DNAJC3: variants seen among roughly 807,000 people sequenced by gnomAD.
The protein encoded by DNAJC3 is dnaJ homolog subfamily C member 3.
In DNAJC3, 38 loss-of-function variants were observed where a neutral mutation model predicts 68.6. That is an observed-to-expected ratio of 0.55 (90% CI 0.43 to 0.73). DNAJC3 has a LOEUF of 0.73. Ranked by LOEUF, DNAJC3 falls within the 30% of genes least tolerant of loss-of-function variation. DNAJC3 has a pLI of 0.00. For missense variants in DNAJC3, 526 were observed against 591.9 expected (o/e 0.89, Z 1.16); for synonymous variants, 203 against 204.0 (o/e 1.00, Z 0.04).
At chr13:95,755,196 C>T (rs937190300) in intron 4 of DNAJC3, among the ~76,000 whole-genome samples, 4 of 151,976 alleles carry the variant, frequency 2.6e-5, no homozygotes, top group South Asian at 2.1e-4. Flanking sequence ...TGTGTAATCC[C>T]GTGCTTTGGA....
chr13:95,772,152 A>G (rs1555328723), intron 9 of DNAJC3, among the ~76,000 whole-genome samples: 2 of 152,202 alleles, frequency 1.3e-5, no homozygotes, highest in Non-Finnish European at 2.9e-5. Flanking sequence ...TTTATTTTGA[A>G]AAACAGGTGG....
chr13:95,742,534 TG>T, intron 4 of DNAJC3: 1 of 428,238 alleles, frequency 2.3e-6, no homozygotes, highest in South Asian at 1.8e-5. Context: ...TGTGGACTGC[TG>T]GGGGTCACTT....
At position 95,794,401 on chromosome 13, in the gene DNAJC3, T is replaced by C. The variant is rs1382038547; in HGVS notation, c.*3371T>C. ...CCTGGTGATGGGCGTTGCAAAGTTT[T>C]CACTGAGCACACAGCAATGGTATCA... is the stretch of plus-strand genomic sequence containing the variant. On this transcript the variant is annotated 3_prime_UTR_variant, in exon 12 of 12. Transcript: ENST00000602402. 4 of 152,234 alleles carry C rather than the reference T, an allele frequency of 2.6e-5. No individual in the cohort carries two copies. The highest frequency in any genetic ancestry group is 5.9e-5 in the Non-Finnish European group (4 of 68,038). 9.4% of individuals were successfully genotyped at this position (152,234 alleles called of 1,614,324 possible).
intron 1 of DNAJC3, 70 bp from the exon 2 acceptor site, chr13:95,709,157 A>G: frequency 9.0e-7 from 1 of 1,114,386 alleles, no homozygotes; most frequent in Non-Finnish European, 1.2e-6. Context: ...ACTATTTTTA[A>G]TATTATATTT....
At chr13:95,709,087 T>C (rs2139625240) in intron 1 of DNAJC3, 140 bp from the exon 2 acceptor site, 2 of 523,838 alleles carry the variant, frequency 3.8e-6, no homozygotes, top group Non-Finnish European at 6.1e-6. Flanking sequence ...TGTTACGTTC[T>C]TTACATCATT....
intron 4 of DNAJC3, chr13:95,745,427 T>C (rs1442910489): frequency 1.3e-5 from 2 of 152,210 alleles, no homozygotes; most frequent in African/African-American, 4.8e-5. Flanking sequence ...TCTGCACATA[T>C]GCCTGTAATA....
chr13:95,688,347 T>TG (rs60576153), intron 1 of DNAJC3, among the ~76,000 whole-genome samples: 47,173 of 151,960 alleles, frequency 0.31, 10,807 homozygotes, highest in African/African-American at 0.65. Flanking sequence ...ATCCTTGTCT[T>TG]TTCTAGTTTT....
chr13:95,764,726 A>G (rs1882939907), intron 9 of DNAJC3, among the ~76,000 whole-genome samples: 1 of 137,890 alleles, frequency 7.3e-6, no homozygotes, highest in African/African-American at 2.8e-5. Flanking sequence ...ATACACATAT[A>G]TATATATACA....
intron 9 of DNAJC3, among the ~76,000 whole-genome samples, chr13:95,777,090 A>G (rs1030286571): frequency 6.6e-6 from 1 of 152,192 alleles, no homozygotes; most frequent in Non-Finnish European, 1.5e-5. Flanking sequence ...GGGAGGTCCT[A>G]AGAGAATTTT....
intron 2 of DNAJC3, among the ~76,000 whole-genome samples, chr13:95,721,491 G>A (rs1199446951): frequency 3.3e-5 from 5 of 152,048 alleles, no homozygotes; most frequent in African/African-American, 4.8e-5. Context: ...ATCATCTTAC[G>A]GTTTTCCACA....
At chr13:95,725,655 T>C (rs185877432) in intron 4 of DNAJC3, among the ~76,000 whole-genome samples, 1 of 151,078 alleles carries the variant, frequency 6.6e-6, no homozygotes, top group African/African-American at 2.5e-5. Context: ...ATGAAACAGA[T>C]TCTTTTTTTT....
intron 1 of DNAJC3, chr13:95,694,361 C>T (rs1448173712): frequency 6.6e-6 from 1 of 152,570 alleles, no homozygotes; most frequent in Non-Finnish European, 1.5e-5. Context: ...AAAGCCCCAC[C>T]ATAATTCAAC....
chr13:95,730,092 A>C (rs774321851), intron 4 of DNAJC3, among the ~76,000 whole-genome samples: 16 of 152,152 alleles, frequency 1.1e-4, no homozygotes, highest in Non-Finnish European at 2.2e-4. Context: ...CCTGGGCTCA[A>C]GTGATCCCCC....
intron 4 of DNAJC3, among the ~76,000 whole-genome samples, chr13:95,749,294 G>C (rs759540838): frequency 3.9e-5 from 6 of 152,202 alleles, no homozygotes; most frequent in Non-Finnish European, 7.3e-5. Context: ...AAGTGTGCTA[G>C]ACCATTCTTG....
At chr13:95,718,860 A>G (rs1881233718) in intron 2 of DNAJC3, among the ~76,000 whole-genome samples, 1 of 152,214 alleles carries the variant, frequency 6.6e-6, no homozygotes, top group Non-Finnish European at 1.5e-5. Flanking sequence ...GTAATCCTAC[A>G]GATTCTTCAG....
intron 9 of DNAJC3, among the ~76,000 whole-genome samples, chr13:95,768,500 G>A (rs925335490): frequency 6.6e-6 from 1 of 152,188 alleles, no homozygotes; most frequent in Admixed American, 6.5e-5. Flanking sequence ...ATAGGGCCAA[G>A]TAGATTGCTT....
At chr13:95,711,386 A>C (rs1254359339) in intron 2 of DNAJC3, among the ~76,000 whole-genome samples, 2 of 152,100 alleles carry the variant, frequency 1.3e-5, no homozygotes, top group Non-Finnish European at 2.9e-5. Context: ...AATCCTAGCT[A>C]CTTGGGAAGC....
At position 95,757,746 on chromosome 13, in the gene DNAJC3, G is replaced by A. The variant is rs1882706041; in HGVS notation, c.496G>A (p.Gly166Arg). 1 of 1,574,406 alleles carries A rather than the reference G, an allele frequency of 6.4e-7. No homozygotes were observed. Among genetic ancestry groups the A allele is most frequent in the Admixed American group, 1.7e-5 (1 of 59,668 alleles). Residue 166 changes from glycine (G) to arginine (R), a missense_variant, in exon 5 of 12, where the codon GGA becomes AGA. Gly to Arg is a moderately radical substitution (Grantham distance 125). Transcript: ENST00000602402. ...GCGTTCACAAGCACTTAACGCTTTTGGAAGTGGAGATTATACTGCTGCTAT... is the reference window on the plus strand; with the variant it reads ...GCGTTCACAAGCACTTAACGCTTTTAGAAGTGGAGATTATACTGCTGCTAT... ...RLRSQALNAF[G>R]SGDYTAAIAF...
intron 2 of DNAJC3, among the ~76,000 whole-genome samples, chr13:95,718,402 C>A (rs1334860601): frequency 6.6e-6 from 1 of 152,154 alleles, no homozygotes; most frequent in Non-Finnish European, 1.5e-5. Flanking sequence ...CAGGTGACCC[C>A]ATGCCTCTAA....
Sources: gnomAD v4.1 joint callset for allele counts (sites outside exome capture counted in the v4.1 genomes callset) on GRCh38, gnomAD v4.1.1 for gene constraint, MANE v1.5 for transcripts, NCBI Gene and HGNC (gene_info 2026-07-23, HGNC 2026-07-21) for gene names.